The following FBXW11 variants were observed in gnomAD, a reference collection of about 807,000 sequenced individuals.
The protein encoded by FBXW11 is F-box and WD repeat domain containing 11.
In FBXW11, 19 loss-of-function variants were observed where a neutral mutation model predicts 77.6. The observed-to-expected ratio is 0.24, with a 90% CI of 0.17 to 0.36. FBXW11 has a LOEUF of 0.36. Among genes scored for constraint, FBXW11 ranks in the 10% least tolerant of loss-of-function variants. The probability of loss-of-function intolerance (pLI) is 1.00; values close to 1 mark genes in which losing one functional copy is unlikely to be tolerated. For missense variants in FBXW11, 334 were observed against 704.2 expected, an observed-to-expected ratio of 0.47 and a Z score of 5.95; for synonymous variants, 235 against 249.4, an observed-to-expected ratio of 0.94 and a Z score of 0.54.
chr5:171,978,490 C>A, intron 1 of FBXW11, among the ~76,000 whole-genome samples: 1 of 152,082 alleles, frequency 6.6e-6, no homozygotes, highest in East Asian at 1.9e-4. Context: ...CCAACAGAAC[C>A]CCACCTCAAA....
At chr5:171,986,051 T>C (rs1278084835) in intron 1 of FBXW11, among the ~76,000 whole-genome samples, 5 of 152,230 alleles carry the variant, frequency 3.3e-5, no homozygotes, top group Non-Finnish European at 7.3e-5. Context: ...AAAGGACAGC[T>C]ACTACTGAGC....
At chr5:171,959,120 C>T (rs1472989571) in intron 1 of FBXW11, among the ~76,000 whole-genome samples, 1 of 151,238 alleles carries the variant, frequency 6.6e-6, no homozygotes, top group African/African-American at 2.4e-5. Flanking sequence ...TTAGAAAAGG[C>T]ATTTAAAGAA....
chr5:171,888,408 G>A (rs1759061849), intron 7 of FBXW11, among the ~76,000 whole-genome samples: 1 of 152,218 alleles, frequency 6.6e-6, no homozygotes, highest in Non-Finnish European at 1.5e-5. Flanking sequence ...TGAAGCCTCA[G>A]ATTAACCTCT....
intron 4 of FBXW11, among the ~76,000 whole-genome samples, chr5:171,901,707 C>T (rs1760125559): frequency 6.6e-6 from 1 of 152,218 alleles, no homozygotes; most frequent in Non-Finnish European, 1.5e-5. Flanking sequence ...GGCCTCTCCC[C>T]CAAAAACATC....
intron 1 of FBXW11, among the ~76,000 whole-genome samples, chr5:171,986,467 C>T (rs1244010023): frequency 2.0e-5 from 3 of 151,430 alleles, no homozygotes; most frequent in African/African-American, 7.3e-5. Flanking sequence ...TGGCTCACCC[C>T]TGTAATCCCA....
chr5:171,895,185 A>G (rs1052272675), intron 6 of FBXW11, among the ~76,000 whole-genome samples: 7 of 152,174 alleles, frequency 4.6e-5, no homozygotes, highest in African/African-American at 1.7e-4. Flanking sequence ...TGGTATGGCT[A>G]CTGTAGAGGA....
chr5:171,924,450 T>C lies in FBXW11; in HGVS notation c.148-10045A>G, dbSNP rs549354427. Among the ~76,000 whole-genome samples the C allele has an allele frequency of 3.3e-5, 5 of 152,294 alleles. No individual in the cohort carries two copies. The South Asian group carries it at 8.3e-4, about 25-fold the overall frequency. On this transcript the variant is annotated intron_variant, in intron 2 of 13. Transcript: ENST00000517395. ...TTAAAAACCCTGAACTCAGCCACAC[T>C]GGGGGACTATGCCCATTTTGAGTGC...
intron 2 of FBXW11, among the ~76,000 whole-genome samples, chr5:171,939,696 C>CAAAAAAAA (rs58051402): frequency 2.1e-4 from 17 of 79,990 alleles, no homozygotes; most frequent in South Asian, 9.9e-4. Flanking sequence ...GACCCTGTCT[C>CAAAAAAAA]AAAAAAAAAA....
chr5:171,865,987 G>A (rs1289531381), intron 13 of FBXW11, among the ~76,000 whole-genome samples: 4 of 152,110 alleles, frequency 2.6e-5, no homozygotes, highest in Admixed American at 6.5e-5. Flanking sequence ...ATTTGGGGCC[G>A]CACGCGGTGG....
chr5:171,952,910 A>C (rs1763422428), intron 2 of FBXW11, among the ~76,000 whole-genome samples: 2 of 151,628 alleles, frequency 1.3e-5, no homozygotes, highest in South Asian at 4.2e-4. Flanking sequence ...GTGTTAGTGT[A>C]ATTTTATGTG....
At chr5:171,929,066 CA>C (rs2113039061) in intron 2 of FBXW11, among the ~76,000 whole-genome samples, 1 of 139,380 alleles carries the variant, frequency 7.2e-6, no homozygotes, top group South Asian at 2.3e-4. Flanking sequence ...GAGCAAGCTC[CA>C]TCTAAAAAAA....
rs139961446 is a variant in FBXW11, at chr5:171,945,004, A to T, written c.147+12593T>A. The stretch of plus-strand genomic sequence containing the variant: ...CCTGCTGGGACTGTTTTAGAAACAG[A>T]TGTGTTTACCAAGCAGTGAAAAAGA... On this transcript the variant is annotated intron_variant, in intron 2 of 13. Coordinates refer to ENST00000517395, the MANE Select transcript of FBXW11 (RefSeq NM_001378974.1). 1.6e-4 allele frequency among the ~76,000 whole-genome samples: 25 copies of T among 152,288 alleles called. No individual in the cohort carries two copies. The South Asian group carries it at 3.5e-3, about 21-fold the overall frequency.
intron 2 of FBXW11, among the ~76,000 whole-genome samples, chr5:171,930,190 G>T (rs1389580661): frequency 6.6e-6 from 1 of 152,222 alleles, no homozygotes. Context: ...TAAAGAGGAT[G>T]CAAGATGCAA....
intron 2 of FBXW11, among the ~76,000 whole-genome samples, chr5:171,925,524 A>G (rs1333579862): frequency 6.6e-6 from 1 of 152,214 alleles, no homozygotes; most frequent in African/African-American, 2.4e-5. Context: ...CCTGTCACTC[A>G]GGCTATAGTG....
At chr5:171,960,495 G>T (rs1363112841) in intron 1 of FBXW11, among the ~76,000 whole-genome samples, 1 of 152,190 alleles carries the variant, frequency 6.6e-6, no homozygotes, top group Non-Finnish European at 1.5e-5. Context: ...CTCTGCAAGG[G>T]TTAATAGTAT....
At chr5:171,998,059 A>G (rs1766167672) in intron 1 of FBXW11, among the ~76,000 whole-genome samples, 1 of 152,184 alleles carries the variant, frequency 6.6e-6, no homozygotes. Flanking sequence ...AGTAGAGCCC[A>G]TGCCCTTTTC....
chr5:171,991,974 G>C (rs985400576), intron 1 of FBXW11, among the ~76,000 whole-genome samples: 1 of 152,024 alleles, frequency 6.6e-6, no homozygotes, highest in Non-Finnish European at 1.5e-5. Context: ...AATTAGCTGG[G>C]CGTGGTGGTG....
Position 171,904,785 on chromosome 5 carries a change from T to G in FBXW11, c.437-4685A>C, listed in dbSNP as rs908067367. 1.3e-5 allele frequency among the ~76,000 whole-genome samples: 2 copies of G among 152,086 alleles called. No homozygotes were observed. The highest frequency in any genetic ancestry group is 4.8e-5 in the African/African-American group (2 of 41,404). ...TGGGGTTTCACCATGTTGGCCAGGA[T>G]GGTCTTGATCTCTTGACCTCATGAT... On this transcript the variant is annotated intron_variant, in intron 4 of 13. Coordinates refer to ENST00000517395, the MANE Select transcript of FBXW11 (RefSeq NM_001378974.1). The surrounding 1 kb of genome is among the most constrained non-coding windows in gnomAD (Gnocchi z 4.0).
At chr5:171,871,478 G>A (rs1381191728) in intron 10 of FBXW11, among the ~76,000 whole-genome samples, 1 of 152,134 alleles carries the variant, frequency 6.6e-6, no homozygotes, top group Non-Finnish European at 1.5e-5. Flanking sequence ...CTGAATACTG[G>A]GATTGACGGT....
Sources: allele counts gnomAD v4.1 joint callset (sites outside exome capture counted in the v4.1 genomes callset), GRCh38; gene constraint gnomAD v4.1.1; non-coding constraint Gnocchi (gnomAD v3.1); transcripts MANE v1.5; gene names NCBI Gene and HGNC (gene_info 2026-07-23, HGNC 2026-07-21).